The following HHLA1 variants were observed in gnomAD, a reference collection of about 807,000 sequenced individuals.
HHLA1 encodes HHLA1 neighbor of OC90.
In HHLA1, 72 loss-of-function variants were observed where a neutral mutation model predicts 69.9. The ratio of observed to expected loss-of-function variants is 1.03; its 90% confidence interval spans 0.85 to 1.25. The LOEUF (loss-of-function observed/expected upper bound fraction) is 1.25. Among genes scored for constraint, HHLA1 ranks in the 50% most tolerant of loss-of-function variants. The pLI is 0.00. For synonymous variants in HHLA1, 252 were observed against 233.2 expected (o/e 1.08, Z -0.73); for missense variants, 685 against 642.2 (o/e 1.07, Z -0.72).
At chr8:132,099,739 A>G (rs1216390376) in intron 4 of HHLA1, among the ~76,000 whole-genome samples, 1 of 152,144 alleles carries the variant, frequency 6.6e-6, no homozygotes, top group Non-Finnish European at 1.5e-5. Context: ...CTGTAATCCC[A>G]GCTACTTGGG....
rs544391350 is a variant in HHLA1 at position 132,101,966 on chromosome 8, C to A, written c.140-1832G>T. Among the ~76,000 whole-genome samples the A allele has an allele frequency of 3.3e-5, 5 of 152,286 alleles. 1 individual carries two copies. The South Asian group carries it at 1.0e-3, about 32-fold the overall frequency. On this transcript the variant is annotated intron_variant, in intron 3 of 16. Transcript: ENST00000414222. Reference sequence around the variant, plus strand: ...TTAGAACTTATTCATCTTGTGTAACCGAAATTTCATACTCATTGAACAACG... The same window carrying A: ...TTAGAACTTATTCATCTTGTGTAACAGAAATTTCATACTCATTGAACAACG...
chr8:132,102,151 T>G (rs1279696394), intron 3 of HHLA1, among the ~76,000 whole-genome samples: 1 of 152,240 alleles, frequency 6.6e-6, no homozygotes, highest in African/African-American at 2.4e-5. Flanking sequence ...CCAGGTTCAC[T>G]CATGTTATTG....
intron 3 of HHLA1, among the ~76,000 whole-genome samples, chr8:132,102,898 CTAAACACCAG>C (rs1475896898): frequency 6.6e-6 from 1 of 151,108 alleles, no homozygotes; most frequent in East Asian, 2.0e-4. Context: ...GAAGTCTGAA[CTAAACACCAG>C]TGGAGCACAG....
chr8:132,074,311 C>CT (rs1271350700), intron 14 of HHLA1, among the ~76,000 whole-genome samples: 7 of 151,224 alleles, frequency 4.6e-5, no homozygotes, highest in Admixed American at 6.6e-5. Flanking sequence ...TCTAGTCACT[C>CT]TTTTTTTTCA....
chr8:132,066,570 A>G (rs1823443576), intron 15 of HHLA1, among the ~76,000 whole-genome samples: 1 of 152,246 alleles, frequency 6.6e-6, no homozygotes, highest in South Asian at 2.1e-4. Context: ...TTCTCAGTGC[A>G]GGCTGTGTCA....
intron 11 of HHLA1, among the ~76,000 whole-genome samples, chr8:132,079,487 A>G (rs1445031184): frequency 6.6e-6 from 1 of 152,248 alleles, no homozygotes. Context: ...TCAGAATAAA[A>G]AGGCATCAAA....
intron 15 of HHLA1, among the ~76,000 whole-genome samples, chr8:132,066,704 AC>A (rs1823446201): frequency 6.6e-6 from 1 of 152,206 alleles, no homozygotes; most frequent in African/African-American, 2.4e-5. Flanking sequence ...ATTCTAGCAC[AC>A]CCTAGAGAGT....
rs918143055 is a variant in HHLA1 at position 132,077,955 on chromosome 8, G to T, written c.942C>A (p.Ala314=). 1.3e-6 allele frequency: 2 copies of T among 1,551,356 alleles called. No homozygotes were observed. Among genetic ancestry groups the T allele is most frequent in the African/African-American group, 1.4e-5 (1 of 72,982 alleles). Residue 314 remains alanine (A), a synonymous_variant, in exon 12 of 17, where the codon GCC becomes GCA. Transcript: ENST00000414222. The part of the protein sequence containing the change: ...TLPALATRRV[A]RTQWLTADRQ... ...TGTCAGCTGTCAACCACTGAGTTCT[G>T]GCCACCCTCCTGGTAGCTGCACATT...
chr8:132,107,318 T>G (rs1824217688), intron 1 of HHLA1, among the ~76,000 whole-genome samples: 1 of 152,178 alleles, frequency 6.6e-6, no homozygotes, highest in East Asian at 1.9e-4. Flanking sequence ...TTTATTTTTT[T>G]GAGAAGAGTT....
chr8:132,109,932 C>A (rs1040484856), intron 1 of HHLA1, among the ~76,000 whole-genome samples: 1 of 152,106 alleles, frequency 6.6e-6, no homozygotes, highest in Non-Finnish European at 1.5e-5. Context: ...AAGAAGTCAC[C>A]CAAGAGTCTT....
At chr8:132,110,155 T>C (rs115564069) in intron 1 of HHLA1, among the ~76,000 whole-genome samples, 1,561 of 152,330 alleles carry the variant, frequency 0.01, 27 homozygotes, top group African/African-American at 0.036. Flanking sequence ...GGATCAGATA[T>C]AGCATAATTA....
intron 2 of HHLA1, among the ~76,000 whole-genome samples, chr8:132,104,741 G>A (rs1409139722): frequency 6.6e-6 from 1 of 152,128 alleles, no homozygotes; most frequent in Non-Finnish European, 1.5e-5. Flanking sequence ...GTCACGCAGA[G>A]CCTGAAAAGG....
At chr8:132,082,521 T>C (rs980407540) in intron 10 of HHLA1, among the ~76,000 whole-genome samples, 2 of 152,082 alleles carry the variant, frequency 1.3e-5, no homozygotes, top group African/African-American at 4.8e-5. Flanking sequence ...CGTGTGTTTT[T>C]ATGAGAATTA....
chr8:132,079,229 A>C (rs1823697474), intron 11 of HHLA1, among the ~76,000 whole-genome samples: 1 of 152,248 alleles, frequency 6.6e-6, no homozygotes, highest in Non-Finnish European at 1.5e-5. Context: ...TTAAGTCATT[A>C]ACATATTCTT....
rs1397244830 is a variant in HHLA1, at chr8:132,105,325, A to T, written c.-21-39T>A. On this transcript the variant is annotated intron_variant, in intron 1 of 16. Coordinates refer to ENST00000414222, the MANE Select transcript of HHLA1 (RefSeq NM_001145095.3). ...AGCAAACACTTAGGAAACTAAGCAC[A>T]TGGATGCAGACCTTCCTTTGAGAAC... The T allele has an allele frequency of 3.2e-5, 40 of 1,250,806 alleles. 1 individual carries two copies. Among genetic ancestry groups the T allele is most frequent in the Non-Finnish European group, 4.4e-5 (38 of 871,940 alleles). The allele number at this position is 1,250,806 out of a possible 1,614,324, so 77.5% of individuals were successfully genotyped here.
At chr8:132,100,952 A>G (rs1164741538) in intron 3 of HHLA1, among the ~76,000 whole-genome samples, 2 of 152,214 alleles carry the variant, frequency 1.3e-5, no homozygotes, top group African/African-American at 4.8e-5. Flanking sequence ...TTATACCTGG[A>G]TGGAGAAGGT....
At chr8:132,095,374 C>T (rs949478669) in intron 7 of HHLA1, 145 bp downstream of exon 7, 7 of 505,102 alleles carry the variant, frequency 1.4e-5, no homozygotes, top group Non-Finnish European at 2.5e-5. Context: ...AACTGTTTTT[C>T]ACTGGGATAA....
intron 10 of HHLA1, chr8:132,080,268 A>G: frequency 2.3e-6 from 1 of 427,506 alleles, no homozygotes; most frequent in South Asian, 1.9e-5. Context: ...AGACCACCAA[A>G]CAGGCTTTGT....
At position 132,063,559 on chromosome 8, in the gene HHLA1, C is replaced by G. The variant is rs1420606581; in HGVS notation, c.*436G>C. On this transcript the variant is annotated 3_prime_UTR_variant, in exon 17 of 17. Transcript: ENST00000414222. ...AGTATGAATTCAATATTAATTTATG[C>G]TTTTGTTGTCTTTCAAAAGTCTCAA... The G allele has an allele frequency of 6.5e-6, 1 of 153,636 alleles. No homozygotes were observed. The highest frequency in any genetic ancestry group is 2.0e-4 in the South Asian group (1 of 4,920). 9.5% of individuals were successfully genotyped at this position (153,636 alleles called of 1,614,324 possible).
Sources: allele counts gnomAD v4.1 joint callset (sites outside exome capture counted in the v4.1 genomes callset), GRCh38; gene constraint gnomAD v4.1.1; transcripts MANE v1.5; gene names NCBI Gene and HGNC (gene_info 2026-07-23, HGNC 2026-07-21).